The following XKR9 variants were observed in gnomAD, a reference collection of about 807,000 sequenced individuals.
XKR9 encodes XK related 9, also known as XK-related protein 9.
In XKR9, 32 loss-of-function variants were observed where a neutral mutation model predicts 32.0. That is an observed-to-expected ratio of 1.00 (90% CI 0.76 to 1.34). The LOEUF (loss-of-function observed/expected upper bound fraction) is 1.34, where lower values mean the gene tolerates loss of function less well. Among genes scored for constraint, XKR9 ranks in the 40% most tolerant of loss-of-function variants. The pLI is 0.00. For synonymous variants in XKR9, 168 were observed against 143.4 expected (o/e 1.17, Z -1.22); for missense variants, 546 against 429.7 (o/e 1.27, Z -2.39).
the XKR9 span, among the ~76,000 whole-genome samples, chr8:70,927,854 C>A: frequency 6.6e-6 from 1 of 152,120 alleles, no homozygotes; most frequent in Admixed American, 6.5e-5. Context: ...TTTGTGTTTC[C>A]TGGCTTAGGT....
rs908689484 is a variant in XKR9 at position 70,699,182 on chromosome 8, G to A, written c.273-7751G>A. 9.2e-5 allele frequency among the ~76,000 whole-genome samples: 14 copies of A among 152,184 alleles called. No homozygotes were observed. The South Asian group carries it at 1.2e-3, about 14-fold the overall frequency. ...TAACTGGAGCATTTAGTCCATTTAC[G>A]TTTAAAGTTAATATTGTTGTGTGTG... On this transcript the variant is annotated intron_variant, in intron 3 of 4. Transcript: ENST00000408926.
At chr8:70,993,950 T>C in the XKR9 span, among the ~76,000 whole-genome samples, 1 of 152,132 alleles carries the variant, frequency 6.6e-6, no homozygotes, top group East Asian at 1.9e-4. Flanking sequence ...CTGCAGTCCC[T>C]CTGAATAGCT....
chr8:70,966,979 T>G, the XKR9 span, among the ~76,000 whole-genome samples: 1 of 152,126 alleles, frequency 6.6e-6, no homozygotes, highest in East Asian at 1.9e-4. Flanking sequence ...TTGGTAAATT[T>G]TCCTCCATCC....
At chr8:70,895,821 CAAAAAAA>C in the XKR9 span, among the ~76,000 whole-genome samples, 3 of 63,802 alleles carry the variant, frequency 4.7e-5, 1 homozygote, top group Admixed American at 3.0e-4. Context: ...CCTACCTCTA[CAAAAAAA>C]AAAAAAAAAA....
downstream of XKR9, among the ~76,000 whole-genome samples, chr8:70,791,087 G>A (rs181813928): frequency 4.9e-4 from 75 of 152,024 alleles, no homozygotes; most frequent in Admixed American, 1.0e-3. Flanking sequence ...AAATTTCAGG[G>A]GTGAGATATA....
chr8:71,057,474 G>A, the XKR9 span, among the ~76,000 whole-genome samples: 4 of 152,174 alleles, frequency 2.6e-5, no homozygotes, highest in Admixed American at 6.5e-5. Flanking sequence ...TCCTGTTAAA[G>A]TCATTAGAGT....
chr8:70,694,946 G>T (rs1424017732), intron 3 of XKR9, among the ~76,000 whole-genome samples: 1 of 152,148 alleles, frequency 6.6e-6, no homozygotes, highest in African/African-American at 2.4e-5. Context: ...AGCTCTGTCT[G>T]TCAGACTGAA....
At chr8:70,860,605 T>C in the XKR9 span, among the ~76,000 whole-genome samples, 1 of 152,012 alleles carries the variant, frequency 6.6e-6, no homozygotes. Flanking sequence ...CTCTTCCTCC[T>C]CCTCCAGCAT....
At position 70,689,456 on chromosome 8, in the gene XKR9, A is replaced by G. The variant is rs561573679; in HGVS notation, c.272+8126A>G. 1.1e-4 allele frequency among the ~76,000 whole-genome samples: 17 copies of G among 148,392 alleles called. No individual in the cohort carries two copies. In the South Asian group the frequency reaches 2.5e-3, roughly 22 times the overall value. ...GACCATATTGCAAATATATATATATATATGTATTTTATGTATATATATGTA... is the reference window on the plus strand; with the variant it reads ...GACCATATTGCAAATATATATATATGTATGTATTTTATGTATATATATGTA... On this transcript the variant is annotated intron_variant, in intron 3 of 4. Transcript: ENST00000408926.
the XKR9 span, among the ~76,000 whole-genome samples, chr8:70,990,765 GAGAA>G: frequency 3.4e-5 from 5 of 146,406 alleles, no homozygotes; most frequent in African/African-American, 5.0e-5. Flanking sequence ...GAGAGAGAGA[GAGAA>G]AGAGAGAGAG....
chr8:70,856,552 T>C, the XKR9 span, among the ~76,000 whole-genome samples: 3 of 152,126 alleles, frequency 2.0e-5, no homozygotes, highest in Non-Finnish European at 4.4e-5. Flanking sequence ...CTGTCAACTT[T>C]AGACAGATCA....
At chr8:70,767,496 C>CTTTTTTTTTTTT (rs34400671) in intron 2 of XKR9, among the ~76,000 whole-genome samples, 19 of 99,350 alleles carry the variant, frequency 1.9e-4, no homozygotes, top group Non-Finnish European at 3.5e-4. Flanking sequence ...TCTTTTCCTT[C>CTTTTTTTTTTTT]TTTTTTTTTT....
the XKR9 span, among the ~76,000 whole-genome samples, chr8:70,848,952 A>G: frequency 6.6e-6 from 1 of 152,200 alleles, no homozygotes; most frequent in African/African-American, 2.4e-5. Flanking sequence ...GCATAAAGCA[A>G]GTTCTTAGAG....
the XKR9 span, among the ~76,000 whole-genome samples, chr8:70,937,990 C>G: frequency 1.3e-5 from 2 of 152,030 alleles, no homozygotes; most frequent in Non-Finnish European, 2.9e-5. Context: ...GGGATGGGTT[C>G]TATCTTCAAG....
chr8:70,931,880 C>T, the XKR9 span, among the ~76,000 whole-genome samples: 1 of 152,142 alleles, frequency 6.6e-6, no homozygotes, highest in Non-Finnish European at 1.5e-5. Flanking sequence ...AGATCCAGAC[C>T]TATGATCCAA....
the XKR9 span, among the ~76,000 whole-genome samples, chr8:71,011,408 A>AT: frequency 6.6e-6 from 1 of 152,204 alleles, no homozygotes; most frequent in Non-Finnish European, 1.5e-5. Context: ...TATTGGTACA[A>AT]TAAAAAAAAG....
chr8:70,807,813 G>A, the XKR9 span, among the ~76,000 whole-genome samples: 2 of 152,106 alleles, frequency 1.3e-5, no homozygotes, highest in African/African-American at 4.8e-5. Context: ...CAATAATAGT[G>A]GGAGAATTTA....
the XKR9 span, among the ~76,000 whole-genome samples, chr8:70,978,950 C>G: frequency 1.3e-5 from 2 of 152,218 alleles, no homozygotes; most frequent in African/African-American, 4.8e-5. Flanking sequence ...ACTCATTTTT[C>G]TCTGAATTTC....
At chr8:70,949,461 A>G in the XKR9 span, among the ~76,000 whole-genome samples, 1 of 151,796 alleles carries the variant, frequency 6.6e-6, no homozygotes, top group Non-Finnish European at 1.5e-5. Context: ...ATTAAGATTT[A>G]TATTAAATCT....
Sources: gnomAD v4.1 joint callset for allele counts (sites outside exome capture counted in the v4.1 genomes callset) on GRCh38, gnomAD v4.1.1 for gene constraint, MANE v1.5 for transcripts, NCBI Gene and HGNC (gene_info 2026-07-23, HGNC 2026-07-21) for gene names.